ATP1A4: variants seen among roughly 807,000 people sequenced by gnomAD.
ATP1A4 encodes the protein ATPase Na+/K+ transporting subunit alpha 4.
Under a neutral mutation model 114.3 loss-of-function variants are expected in ATP1A4, and 90 were observed. That is an observed-to-expected ratio of 0.79 (90% confidence interval 0.66 to 0.94). The LOEUF (loss-of-function observed/expected upper bound fraction) is 0.94, where lower values mean the gene tolerates loss of function less well. Among genes scored for constraint, ATP1A4 ranks in the 40% least tolerant of loss-of-function variants. ATP1A4 has a pLI of 0.00. For missense variants in ATP1A4, 1,222 were observed against 1,313.6 expected (o/e 0.93, Z 1.08); for synonymous variants, 511 against 494.1 (o/e 1.03, Z -0.45).
intron 20 of ATP1A4, chr1:160,183,459 TGTG>T (rs1292696938): frequency 1.3e-5 from 2 of 152,252 alleles, no homozygotes; most frequent in African/African-American, 4.8e-5. Flanking sequence ...TGTGTGTGTG[TGTG>T]TTCACCCTCT....
At position 160,181,514 on chromosome 1, in the gene ATP1A4, C is replaced by T. The variant is rs111733913; in HGVS notation, c.2737-170C>T. Among the ~76,000 whole-genome samples the T allele has an allele frequency of 9.9e-3, 1,482 of 150,310 alleles. 35 individuals carry two copies. The highest frequency in any genetic ancestry group is 0.034 in the African/African-American group (1,394 of 40,708). ...AGGTTGCAGTAAGCAGAGACCACAC[C>T]ATTGCACTCCAGCCTAGGCAACAAG... On this transcript the variant is annotated intron_variant, in intron 18 of 21. Transcript: ENST00000368081.
intron 18 of ATP1A4, 97 bp downstream of exon 18, chr1:160,177,761 G>C: frequency 0.011 from 12,977 of 1,159,026 alleles, no homozygotes; most frequent in Non-Finnish European, 0.015. Flanking sequence ...AAGAAGGGAA[G>C]CACCACACAA....
At chr1:160,156,322 G>A (rs1409966704) in intron 4 of ATP1A4, among the ~76,000 whole-genome samples, 164 bp downstream of exon 4, 3 of 151,712 alleles carry the variant, frequency 2.0e-5, no homozygotes, top group East Asian at 3.9e-4. Context: ...ACCTGGAAAA[G>A]CTGTGAAACC....
In ATP1A4 at chr1:160,171,271, G is replaced by C; in HGVS notation, c.1512G>C (p.Glu504Asp). The change falls in exon 11 of 22, where the codon GAG (glutamate) becomes GAC (aspartate). Residue 504 changes from glutamate (E) to aspartate (D), a missense_variant. By Grantham distance (45) the Glu-to-Asp change is conservative. Transcript: ENST00000368081. ...CCTAGATGTCCATCCACCTTCGGGA[G>C]GACAGCTCCCAGACCCACGTACTGA... ...NKYQMSIHLR[E>D]DSSQTHVLMM... is the part of the protein sequence containing the mutation. 6.2e-7 allele frequency: 1 copy of C among 1,613,872 alleles called. No homozygotes were observed. Among genetic ancestry groups the C allele is most frequent in the Non-Finnish European group, 8.5e-7 (1 of 1,179,824 alleles).
chr1:160,167,488 T>C (rs1051595166), intron 10 of ATP1A4, 76 bp downstream of exon 10: 4 of 1,573,006 alleles, frequency 2.5e-6, no homozygotes, highest in African/African-American at 2.8e-5. Context: ...GCTTTGCCTC[T>C]GCCTTCAACT....
intron 10 of ATP1A4, chr1:160,170,880 TG>T: frequency 5.8e-6 from 1 of 172,066 alleles, no homozygotes; most frequent in South Asian, 1.7e-4. Flanking sequence ...CCGCTACGCC[TG>T]GCCTTCCGAC....
At chr1:160,172,970 G>A (rs1300169676) in intron 12 of ATP1A4, among the ~76,000 whole-genome samples, 1 of 152,226 alleles carries the variant, frequency 6.6e-6, no homozygotes, top group East Asian at 1.9e-4. Flanking sequence ...AGTTCAGTGG[G>A]GAAGAGAGAT....
chr1:160,154,909 G>A, intron 2 of ATP1A4, 136 bp from the exon 3 acceptor site: 1 of 754,976 alleles, frequency 1.3e-6, no homozygotes, highest in Non-Finnish European at 2.2e-6. Flanking sequence ...TATCCAGGAA[G>A]AACTTCCAGA....
At chr1:160,181,043 C>T (rs1372225363) in intron 18 of ATP1A4, among the ~76,000 whole-genome samples, 1 of 152,126 alleles carries the variant, frequency 6.6e-6, no homozygotes, top group Non-Finnish European at 1.5e-5. Flanking sequence ...CCACCTTCTT[C>T]TCTTACCCTA....
At chr1:160,171,846 C>T (rs1891265) in intron 12 of ATP1A4, 89 bp downstream of exon 12, 637,573 of 1,277,154 alleles carry the variant, frequency 0.5, 164,516 homozygotes, top group African/African-American at 0.62. Context: ...TGCTTAATAC[C>T]CTTAGTTTAA....
rs774246767 is a variant in ATP1A4, at chr1:160,167,384, T to G, written c.1463T>G (p.Ile488Ser). 1 of 1,612,288 alleles carries G rather than the reference T, an allele frequency of 6.2e-7. No individual in the cohort carries two copies. Among genetic ancestry groups the G allele is most frequent in the African/African-American group, 1.3e-5 (1 of 74,748 alleles). ...MREKNPKVAE[I>S]PFNSTNKYQM... ...GAGAAAAACCCCAAGGTGGCAGAGA[T>G]TCCCTTTAATTCTACCAACAAGTAC... The change falls in exon 10 of 22, where the codon ATT becomes AGT. Residue 488 changes from isoleucine to serine, a missense_variant. By Grantham distance (142) the Ile-to-Ser change is moderately radical. Transcript: ENST00000368081.
intron 21 of ATP1A4, 103 bp downstream of exon 21, chr1:160,186,470 C>T (rs1653899705): frequency 2.7e-6 from 3 of 1,106,228 alleles, no homozygotes; most frequent in South Asian, 2.8e-5. Context: ...ACTTTCTCCC[C>T]TCCTCGCTGC....
intron 1 of ATP1A4, 136 bp downstream of exon 1, chr1:160,152,323 G>T: frequency 3.1e-6 from 3 of 976,120 alleles, no homozygotes; most frequent in Non-Finnish European, 4.3e-6. Context: ...GAGGGAAGGA[G>T]AGGGTTAAAA....
Position 160,152,133 on chromosome 1 carries a change from G to A in ATP1A4, c.93G>A (p.Val31=), listed in dbSNP as rs1275170673. 6.2e-7 allele frequency: 1 copy of A among 1,614,040 alleles called. No homozygotes were observed. Among genetic ancestry groups the A allele is most frequent in the South Asian group, 1.1e-5 (1 of 91,080 alleles). ...PKKGLIKKKM[V]KREKQKRNME... The stretch of plus-strand genomic sequence containing the variant: ...AAGGGCTTATCAAGAAAAAAATGGT[G>A]AAGAGGGAAAAACAGAAGCGCAATA... Residue 31 remains valine, a synonymous_variant, in exon 1 of 22, where the codon GTG becomes GTA. Transcript: ENST00000368081.
Position 160,177,606 on chromosome 1 carries a change from G to A in ATP1A4, c.2678G>A (p.Arg893His), listed in dbSNP as rs530929013. The A allele has an allele frequency of 6.2e-6, 10 of 1,614,054 alleles. No homozygotes were observed. Among genetic ancestry groups the A allele is most frequent in the African/African-American group, 1.3e-5 (1 of 74,918 alleles). Residue 893 changes from arginine to histidine, a missense_variant, in exon 18 of 22, where the codon CGC (arginine) becomes CAC (histidine). Physicochemically the swap from Arg to His is conservative, Grantham distance 29. Transcript: ENST00000368081. ...GFRPVDLLGI[R>H]LHWEDKYLND... ...AGGCCTGTTGATCTGCTGGGCATCCGCCTCCACTGGGAAGATAAATACTTG... is the reference window on the plus strand; with the variant it reads ...AGGCCTGTTGATCTGCTGGGCATCCACCTCCACTGGGAAGATAAATACTTG...
In ATP1A4 at chr1:160,176,568, C is replaced by T. The variant is rs1653471386; in HGVS notation, c.2556C>T (p.Asn852=). ...PRNPKTDNLV[N]HRLIGMAYGQ... is the part of the protein sequence containing the mutation. ...ACCCAAAGACGGATAATCTGGTGAA[C>T]CACCGTCTCATTGGCATGGCCTATG... The change falls in exon 17 of 22, where the codon AAC becomes AAT. Residue 852 remains asparagine (N), a synonymous_variant. Transcript: ENST00000368081. 3.1e-6 allele frequency: 5 copies of T among 1,614,038 alleles called. No individual in the cohort carries two copies. The highest frequency in any genetic ancestry group is 2.7e-5 in the African/African-American group (2 of 74,920).
At chr1:160,155,366 C>T in intron 3 of ATP1A4, 118 bp downstream of exon 3, 1 of 607,902 alleles carries the variant, frequency 1.6e-6, no homozygotes, top group South Asian at 2.3e-5. Context: ...TACATTATTA[C>T]ATTAATGTAA....
At chr1:160,164,114 C>A in intron 6 of ATP1A4, 42 bp from the exon 7 acceptor site, 1 of 1,600,584 alleles carries the variant, frequency 6.2e-7, no homozygotes, top group South Asian at 1.1e-5. Flanking sequence ...TACTTCTTAT[C>A]ATATCACAAC....
Position 160,173,576 on chromosome 1 carries a change from C to T in ATP1A4, c.1855-5C>T, listed in dbSNP as rs780810476. ...TGCTCCTCTTCCCTCTCCTTCCCAA[C>T]CCAGGTGATCATGGTAACAGGAGAT... On this transcript the variant is annotated splice_polypyrimidine_tract_variant and splice_region_variant and intron_variant, in intron 12 of 21. Coordinates refer to ENST00000368081, the MANE Select transcript of ATP1A4 (RefSeq NM_144699.4). 4 of 1,613,166 alleles carry T rather than the reference C, an allele frequency of 2.5e-6. No individual in the cohort carries two copies. In the South Asian group the frequency reaches 4.4e-5, roughly 18 times the overall value.
Sources: allele counts gnomAD v4.1 joint callset (sites outside exome capture counted in the v4.1 genomes callset), GRCh38; gene constraint gnomAD v4.1.1; transcripts MANE v1.5; gene names NCBI Gene and HGNC (gene_info 2026-07-23, HGNC 2026-07-21).